PPP1R18: variants seen among roughly 807,000 people sequenced by gnomAD.
The protein encoded by PPP1R18 is protein phosphatase 1 regulatory subunit 18.
A neutral mutation model predicts 54.8 loss-of-function variants in PPP1R18; 31 were observed. The observed-to-expected ratio is 0.57, with a 90% CI of 0.43 to 0.76. The LOEUF is 0.76. PPP1R18 is among the 30% of genes least tolerant of loss of function. The pLI is 0.00. For missense variants in PPP1R18, 685 were observed against 776.1 expected, an observed-to-expected ratio of 0.88 and a Z score of 1.39; for synonymous variants, 310 against 320.2, an observed-to-expected ratio of 0.97 and a Z score of 0.34.
rs949104051 is a variant in PPP1R18 at position 30,684,127 on chromosome 6, C to T, written c.1611+281G>A. Among the ~76,000 whole-genome samples, 2 of 152,074 alleles carry T rather than the reference C, an allele frequency of 1.3e-5. No individual in the cohort carries two copies. The highest frequency in any genetic ancestry group is 2.9e-5 in the Non-Finnish European group (2 of 68,026). On this transcript the variant is annotated intron_variant, in intron 1 of 2. Coordinates refer to ENST00000274853, the MANE Select transcript of PPP1R18 (RefSeq NM_133471.4). This position sits in a 1 kb window ranked among gnomAD's most constrained non-coding sequence, Gnocchi z 6.0. ...GAAGGAAAGAAAAGGGGGTTGGAAA[C>T]TCAGAGCCCAAGGGAAGGGAGAATG...
Position 30,685,733 on chromosome 6 carries a change from G to T in PPP1R18, c.286C>A (p.Gln96Lys). 6.2e-7 allele frequency: 1 copy of T among 1,613,058 alleles called. No individual in the cohort carries two copies. The highest frequency in any genetic ancestry group is 8.5e-7 in the Non-Finnish European group (1 of 1,179,992). Residue 96 changes from glutamine to lysine, a missense_variant, in exon 1 of 3, where the codon CAG (glutamine) becomes AAG (lysine). Coordinates refer to ENST00000274853, the MANE Select transcript of PPP1R18 (RefSeq NM_133471.4). This position sits in a 1 kb window ranked among gnomAD's most constrained non-coding sequence, Gnocchi z 5.0. ...HQNRFIRQER[Q>K]QQQQQQQRSE... is the part of the protein sequence containing the mutation. ...CGTTGTTGTTGCTGCTGCTGCTGCT[G>T]CCGCTCCTGCCGGATGAATCGGTTC...
chr6:30,681,082 CTCAA>C (rs1770524434), intron 1 of PPP1R18, among the ~76,000 whole-genome samples: 1 of 125,320 alleles, frequency 8.0e-6, no homozygotes, highest in African/African-American at 3.6e-5. Context: ...AAGACTCTGT[CTCAA>C]AAAAAAAAAA....
At chr6:30,678,162 C>T (rs1452673440) in intron 2 of PPP1R18, among the ~76,000 whole-genome samples, 2 of 152,080 alleles carry the variant, frequency 1.3e-5, no homozygotes, top group Middle Eastern at 3.4e-3. Context: ...CCACCTGCCT[C>T]GGCCTCCCAA....
chr6:30,680,138 A>G (rs1478353511), intron 1 of PPP1R18, among the ~76,000 whole-genome samples: 1 of 152,154 alleles, frequency 6.6e-6, no homozygotes, highest in Non-Finnish European at 1.5e-5. Context: ...AGTCCACACA[A>G]ACCTGGGGTG....
Position 30,685,296 on chromosome 6 carries a change from C to T in PPP1R18, c.723G>A (p.Trp241Ter), listed in dbSNP as rs1770831019. The change falls in exon 1 of 3, where the codon TGG becomes TGA. Residue 241 changes from tryptophan (W) to a stop codon, truncating the protein, a stop_gained. Transcript: ENST00000274853. LOFTEE classifies it high-confidence loss of function. The surrounding 1 kb of genome is among the most constrained non-coding windows in gnomAD (Gnocchi z 5.0). Reference protein sequence around the residue: ...QKLGLTEAHKWRPDSRESQEQ... With the variant: ...QKLGLTEAHK ...CCTGAGACTCTCTGGAGTCAGGTCT[C>T]CATTTATGGGCCTCTGTCAGGCCCA... is the stretch of plus-strand genomic sequence containing the variant. 6.2e-7 allele frequency: 1 copy of T among 1,612,996 alleles called. No individual in the cohort carries two copies. Among genetic ancestry groups the T allele is most frequent in the South Asian group, 1.1e-5 (1 of 91,088 alleles).
chr6:30,678,074 C>G (rs911565800), intron 2 of PPP1R18, among the ~76,000 whole-genome samples: 3 of 152,024 alleles, frequency 2.0e-5, no homozygotes, highest in Middle Eastern at 3.4e-3. Flanking sequence ...CCATGCCTAG[C>G]TAATTTTTGT....
chr6:30,678,674 G>A (rs1457801213), intron 2 of PPP1R18, among the ~76,000 whole-genome samples: 3 of 151,982 alleles, frequency 2.0e-5, no homozygotes, highest in Non-Finnish European at 2.9e-5. Flanking sequence ...CACCGTGCCC[G>A]GCCCACACCT....
At chr6:30,688,299 A>G, upstream of PPP1R18, 1 of 280,960 alleles carries the variant, frequency 3.6e-6, no homozygotes, top group African/African-American at 2.2e-5. The surrounding 1 kb of genome is among the most constrained non-coding windows in gnomAD (Gnocchi z 5.9). Flanking sequence ...CCAGCGGTGC[A>G]GAAGGGGACC....
rs1429084618 is a variant in PPP1R18 at position 30,686,261 on chromosome 6, G to T, written c.-243C>A. On this transcript the variant is annotated 5_prime_UTR_variant, in exon 1 of 3. Transcript: ENST00000274853. ...TGAGCCCAAGTTGGGGGTGGTGGGG[G>T]TGATGTGAGAGGAAGAGTCCGGATT... is the stretch of plus-strand genomic sequence containing the variant. 6 of 517,070 alleles carry T rather than the reference G, an allele frequency of 1.2e-5. No homozygotes were observed. The highest frequency in any genetic ancestry group is 1.4e-5 in the Non-Finnish European group (4 of 293,966). The allele number at this position is 517,070 out of a possible 1,614,324, so 32.0% of individuals were successfully genotyped here.
In PPP1R18 at chr6:30,677,115, G is replaced by T; in HGVS notation, c.*154C>A. ...GGGTAGAAATTGGGCAATTGGCTCT[G>T]CCCCCAGAAACAGGGTGGGGAAAGC... On this transcript the variant is annotated 3_prime_UTR_variant, in exon 3 of 3. Coordinates refer to ENST00000274853, the MANE Select transcript of PPP1R18 (RefSeq NM_133471.4). The T allele has an allele frequency of 1.3e-6, 1 of 778,914 alleles. No individual in the cohort carries two copies. 48.3% of individuals were successfully genotyped at this position (778,914 alleles called of 1,614,324 possible). A position where few individuals can be genotyped will look rare whatever the true frequency, so the allele number is the denominator to read the frequency against.
In PPP1R18 at chr6:30,684,862, T is replaced by TAA; in HGVS notation, c.1156_1157insTT (p.Gln386LeufsTer6). ...CTGCAGGGCTCTCAGAGGCCTGCCC[T>TAA]GAGCCCCCGCCTCCTCCTTCTCAGC... On this transcript the variant is annotated frameshift_variant, in exon 1 of 3. Transcript: ENST00000274853. LOFTEE classifies it high-confidence loss of function. The surrounding 1 kb of genome is among the most constrained non-coding windows in gnomAD (Gnocchi z 6.0). 6.2e-7 allele frequency: 1 copy of TAA among 1,612,816 alleles called. No homozygotes were observed. The highest frequency in any genetic ancestry group is 8.5e-7 in the Non-Finnish European group (1 of 1,179,968).
At chr6:30,678,080 T>A (rs1333422798) in intron 2 of PPP1R18, among the ~76,000 whole-genome samples, 1 of 151,846 alleles carries the variant, frequency 6.6e-6, no homozygotes, top group African/African-American at 2.4e-5. Flanking sequence ...CTAGCTAATT[T>A]TTGTATTTTT....
At chr6:30,677,921 G>GT (rs1303695352) in intron 2 of PPP1R18, among the ~76,000 whole-genome samples, 3 of 151,580 alleles carry the variant, frequency 2.0e-5, no homozygotes, top group African/African-American at 7.3e-5. Flanking sequence ...TTTGGTTTCT[G>GT]TTTTTTTGAG....
Position 30,677,122 on chromosome 6 carries a change from G to T in PPP1R18, c.*147C>A. On this transcript the variant is annotated 3_prime_UTR_variant, in exon 3 of 3. Transcript: ENST00000274853. Reference sequence around the variant, plus strand: ...AATTGGGCAATTGGCTCTGCCCCCAGAAACAGGGTGGGGAAAGCAAGTTAC... The same window carrying T: ...AATTGGGCAATTGGCTCTGCCCCCATAAACAGGGTGGGGAAAGCAAGTTAC... 1 of 810,334 alleles carries T rather than the reference G, an allele frequency of 1.2e-6. No individual in the cohort carries two copies. The highest frequency in any genetic ancestry group is 2.2e-6 in the Non-Finnish European group (1 of 460,112). 50.2% of individuals were successfully genotyped at this position (810,334 alleles called of 1,614,324 possible). A position where few individuals can be genotyped will look rare whatever the true frequency, so the allele number is the denominator to read the frequency against.
chr6:30,682,359 T>C (rs1269828117), intron 1 of PPP1R18, among the ~76,000 whole-genome samples: 1 of 152,154 alleles, frequency 6.6e-6, no homozygotes, highest in Non-Finnish European at 1.5e-5. Flanking sequence ...TCCCCTGGGC[T>C]CCAGTGGCAG....
chr6:30,679,064 G>T, intron 2 of PPP1R18, 115 bp downstream of exon 2: 1 of 747,376 alleles, frequency 1.3e-6, no homozygotes, highest in Non-Finnish European at 2.1e-6. Context: ...TTGAACCAGA[G>T]GACCCGCCAA....
chr6:30,678,851 A>G (rs1770355730), intron 2 of PPP1R18, among the ~76,000 whole-genome samples: 1 of 152,224 alleles, frequency 6.6e-6, no homozygotes, highest in Non-Finnish European at 1.5e-5. Flanking sequence ...CATAAATAAT[A>G]AACTAAAGCA....
rs748962030 is a variant in PPP1R18, at chr6:30,679,176, T to C, written c.1822+3A>G. On this transcript the variant is annotated splice_donor_region_variant and intron_variant, in intron 2 of 2. Transcript: ENST00000274853. ...CCCTCGGGCCGGCGGAGCCTCCGCT[T>C]ACCCACAATCAGGGCCTTGGTGCGC... 5.6e-6 allele frequency: 9 copies of C among 1,598,154 alleles called. No homozygotes were observed. Among genetic ancestry groups the C allele is most frequent in the Non-Finnish European group, 7.6e-6 (9 of 1,176,930 alleles).
In PPP1R18 at chr6:30,683,873, C is replaced by G. The variant is rs1352254272; in HGVS notation, c.1611+535G>C. Reference sequence around the variant, plus strand: ...CATCCTAGGATGTCCCTATTCAGCTCTGCCCTCCTTCCCACGGGGCAGTTG... The same window carrying G: ...CATCCTAGGATGTCCCTATTCAGCTGTGCCCTCCTTCCCACGGGGCAGTTG... On this transcript the variant is annotated intron_variant, in intron 1 of 2. Coordinates refer to ENST00000274853, the MANE Select transcript of PPP1R18 (RefSeq NM_133471.4). This position sits in a 1 kb window ranked among gnomAD's most constrained non-coding sequence, Gnocchi z 5.1. Among the ~76,000 whole-genome samples the G allele has an allele frequency of 6.6e-6, 1 of 152,092 alleles. No individual in the cohort carries two copies. Among genetic ancestry groups the G allele is most frequent in the African/African-American group, 2.4e-5 (1 of 41,420 alleles).
Sources: allele counts gnomAD v4.1 joint callset (sites outside exome capture counted in the v4.1 genomes callset), GRCh38; gene constraint gnomAD v4.1.1; non-coding constraint Gnocchi (gnomAD v3.1); transcripts MANE v1.5; gene names NCBI Gene and HGNC (gene_info 2026-07-23, HGNC 2026-07-21).